Variants in TBC1D14 observed in about 807,000 individuals in gnomAD.
The protein encoded by TBC1D14 is TBC1 domain family, member 14.
Under a neutral mutation model 79.0 loss-of-function variants are expected in TBC1D14, and 26 were observed. The observed-to-expected ratio is 0.33, with a 90% CI of 0.24 to 0.46. The LOEUF is 0.46. Ranked by LOEUF, TBC1D14 falls within the 20% of genes least tolerant of loss-of-function variation. The pLI, the probability that TBC1D14 is intolerant of heterozygous loss-of-function variation, is 1.00. For synonymous variants in TBC1D14, 394 were observed against 349.9 expected, an observed-to-expected ratio of 1.13 and a Z score of -1.40; for missense variants, 769 against 887.6, an observed-to-expected ratio of 0.87 and a Z score of 1.70.
rs1348542067 is a variant in TBC1D14, at chr4:6,977,295, A to AT, written c.843+9878dup. On this transcript the variant is annotated intron_variant, in intron 3 of 13. Coordinates refer to ENST00000409757, the MANE Select transcript of TBC1D14 (RefSeq NM_020773.3). ...GCCGCCACGCCTGACTGGTTTTCGT[A>AT]TTTTTTTGGTGGAGACGGGGTTTCG... Among the ~76,000 whole-genome samples, 6 of 147,418 alleles carry AT rather than the reference A, an allele frequency of 4.1e-5. No individual in the cohort carries two copies. In the East Asian group the frequency reaches 1.0e-3, roughly 25 times the overall value.
At chr4:6,929,644 A>G (rs559309549) in intron 2 of TBC1D14, among the ~76,000 whole-genome samples, 1 of 152,280 alleles carries the variant, frequency 6.6e-6, no homozygotes, top group African/African-American at 2.4e-5. Flanking sequence ...CAGAGATGGT[A>G]GACGCCCAGA....
rs142871950 is a variant in TBC1D14 at position 6,923,818 on chromosome 4, G to C, written c.429G>C (p.Pro143=). The change falls in exon 2 of 14, where the codon CCG becomes CCC. Residue 143 remains proline, a synonymous_variant. Transcript: ENST00000409757. The stretch of plus-strand genomic sequence containing the variant: ...ATGACTCGGTAAAGCTCTATAGCCC[G>C]ACCTCCAAAGCCCTGACCCGCAGCG... The part of the protein sequence containing the change: ...TGYDSVKLYS[P]TSKALTRSDD... 6.2e-7 allele frequency: 1 copy of C among 1,614,134 alleles called. No homozygotes were observed. Among genetic ancestry groups the C allele is most frequent in the East Asian group, 2.2e-5 (1 of 44,888 alleles).
chr4:6,933,009 G>A (rs755476388), intron 2 of TBC1D14, among the ~76,000 whole-genome samples: 1 of 152,014 alleles, frequency 6.6e-6, no homozygotes, highest in Non-Finnish European at 1.5e-5. Context: ...GGCAGAGCTC[G>A]TTGTGGCTAT....
chr4:6,967,538 C>G (rs960007508), intron 3 of TBC1D14, 114 bp downstream of exon 3: 2 of 1,316,940 alleles, frequency 1.5e-6, no homozygotes, highest in African/African-American at 1.5e-5. Flanking sequence ...TTTGTATTAT[C>G]TGCATACCAC....
At chr4:7,016,772 C>T (rs939722511) in intron 12 of TBC1D14, among the ~76,000 whole-genome samples, 1 of 152,174 alleles carries the variant, frequency 6.6e-6, no homozygotes, top group African/African-American at 2.4e-5. Flanking sequence ...GCTTTCGTTG[C>T]CTTCGTGATC....
chr4:6,941,237 G>A (rs966816486), intron 2 of TBC1D14, among the ~76,000 whole-genome samples: 3 of 147,278 alleles, frequency 2.0e-5, no homozygotes, highest in African/African-American at 7.6e-5. Context: ...CCAGGCTGGA[G>A]TGCAATGGCA....
At chr4:7,009,695 A>G (rs1291987785) in intron 9 of TBC1D14, among the ~76,000 whole-genome samples, 182 bp from the exon 10 acceptor site, 3 of 152,208 alleles carry the variant, frequency 2.0e-5, no homozygotes, top group Admixed American at 6.5e-5. Flanking sequence ...AGACTTCCCT[A>G]GCTGTGAATG....
chr4:7,032,869 C>T lies in TBC1D14; in HGVS notation c.*2477C>T, dbSNP rs1425499100. 6.6e-6 allele frequency: 1 copy of T among 152,346 alleles called. No individual in the cohort carries two copies. The highest frequency in any genetic ancestry group is 2.4e-5 in the African/African-American group (1 of 41,458). 9.4% of individuals were successfully genotyped at this position (152,346 alleles called of 1,614,324 possible). A position where few individuals can be genotyped will look rare whatever the true frequency, so the allele number is the denominator to read the frequency against. On this transcript the variant is annotated 3_prime_UTR_variant, in exon 14 of 14. Transcript: ENST00000409757. ...AGCCTGCACAGTAGAGTGAGGCTGC[C>T]TCTCCCGCCAGGCATTGGGATCCCA...
At chr4:6,974,883 T>G (rs948975701) in intron 3 of TBC1D14, among the ~76,000 whole-genome samples, 3 of 152,070 alleles carry the variant, frequency 2.0e-5, no homozygotes, top group African/African-American at 7.2e-5. Flanking sequence ...TTTTTTTGTG[T>G]GTCTGTTTTG....
At chr4:6,987,230 C>A in intron 3 of TBC1D14, 1 of 1,255,404 alleles carries the variant, frequency 8.0e-7, no homozygotes, top group South Asian at 2.9e-5. Context: ...CCCCGCGAGT[C>A]TGAGGAGCCG....
intron 3 of TBC1D14, among the ~76,000 whole-genome samples, chr4:6,978,816 C>T (rs1230245794): frequency 2.0e-5 from 3 of 150,770 alleles, no homozygotes; most frequent in African/African-American, 4.9e-5. Context: ...AATGAAATGA[C>T]GTGTGCATGG....
intron 3 of TBC1D14, among the ~76,000 whole-genome samples, chr4:6,983,940 T>C (rs1008624148): frequency 3.3e-5 from 5 of 152,224 alleles, no homozygotes; most frequent in Non-Finnish European, 7.4e-5. Context: ...GAGAGGGTAG[T>C]GTTGAGAGCA....
chr4:6,940,178 C>T (rs1421416699), intron 2 of TBC1D14, among the ~76,000 whole-genome samples: 2 of 152,232 alleles, frequency 1.3e-5, no homozygotes, highest in African/African-American at 4.8e-5. Context: ...ATGGAAAATT[C>T]AGTTTCTTAG....
chr4:6,992,367 C>T (rs543973940), intron 3 of TBC1D14, among the ~76,000 whole-genome samples: 76 of 152,336 alleles, frequency 5.0e-4, no homozygotes, highest in East Asian at 1.5e-3. Flanking sequence ...CGGCTCAGGG[C>T]GGCAGGCCCA....
intron 2 of TBC1D14, among the ~76,000 whole-genome samples, chr4:6,950,626 TA>T (rs1312679158): frequency 1.3e-5 from 2 of 152,220 alleles, no homozygotes; most frequent in Non-Finnish European, 2.9e-5. Context: ...AAAGGTGTTT[TA>T]AAAAAATTAT....
In TBC1D14 at chr4:7,010,793, C is replaced by G. The variant is rs189574508; in HGVS notation, c.1647+12C>G. On this transcript the variant is annotated intron_variant, in intron 11 of 13. Transcript: ENST00000409757. Reference sequence around the variant, plus strand: ...TGGACCATGGCCTTGTGAGTATCCTCTGTGTTCGGGCCCTGGGTACTGTGT... The same window carrying G: ...TGGACCATGGCCTTGTGAGTATCCTGTGTGTTCGGGCCCTGGGTACTGTGT... The G allele has an allele frequency of 1.9e-6, 3 of 1,612,280 alleles. No homozygotes were observed. Among genetic ancestry groups the G allele is most frequent in the African/African-American group, 1.3e-5 (1 of 74,876 alleles).
chr4:6,988,766 G>C lies in TBC1D14; in HGVS notation c.844-5418G>C, dbSNP rs116333191. Among the ~76,000 whole-genome samples the C allele has an allele frequency of 4.2e-3, 637 of 152,180 alleles. 5 individuals carry two copies. Among genetic ancestry groups the C allele is most frequent in the African/African-American group, 0.014 (583 of 41,530 alleles). On this transcript the variant is annotated intron_variant, in intron 3 of 13. Coordinates refer to ENST00000409757, the MANE Select transcript of TBC1D14 (RefSeq NM_020773.3). ...CTTCCTGGAAGTCAGGGGGCTTCCAGTAGCAGGTTATTGACATCATTGGCT... is the reference window on the plus strand; with the variant it reads ...CTTCCTGGAAGTCAGGGGGCTTCCACTAGCAGGTTATTGACATCATTGGCT...
At chr4:6,987,376 C>G in intron 3 of TBC1D14, 8 of 1,415,308 alleles carry the variant, frequency 5.7e-6, no homozygotes, top group Non-Finnish European at 7.4e-6. Context: ...GCCGGTGCCT[C>G]TCCCTGCGCC....
Position 6,913,037 on chromosome 4 carries a change from A to G in TBC1D14, c.-18+3086A>G, listed in dbSNP as rs138253888. ...AGACAGCGTTTCGCTCTTGTTGCCC[A>G]GGCTGGAGTGCAATGGTGTGAGATC... On this transcript the variant is annotated intron_variant, in intron 1 of 13. Coordinates refer to ENST00000409757, the MANE Select transcript of TBC1D14 (RefSeq NM_020773.3). Among the ~76,000 whole-genome samples the G allele has an allele frequency of 1.0e-2, 1,516 of 152,306 alleles. 17 individuals are homozygous for G. The highest frequency in any genetic ancestry group is 0.044 in the Middle Eastern group (13 of 294).
Sources: gnomAD v4.1 joint callset for allele counts (sites outside exome capture counted in the v4.1 genomes callset) on GRCh38, gnomAD v4.1.1 for gene constraint, MANE v1.5 for transcripts, NCBI Gene and HGNC (gene_info 2026-07-23, HGNC 2026-07-21) for gene names.